PRELID2: variants seen among roughly 807,000 people sequenced by gnomAD.
PRELID2 encodes the protein PRELI domain-containing protein 2.
Under a neutral mutation model 28.4 loss-of-function variants are expected in PRELID2, and 25 were observed. The observed-to-expected ratio is 0.88, with a 90% CI of 0.64 to 1.23. PRELID2 has a LOEUF of 1.23. Among genes scored for constraint, PRELID2 ranks in the 50% most tolerant of loss-of-function variants. The probability of loss-of-function intolerance (pLI) is 0.00; values close to 1 mark genes in which losing one functional copy is unlikely to be tolerated. For missense variants in PRELID2, 201 were observed against 214.4 expected, an observed-to-expected ratio of 0.94 and a Z score of 0.39; for synonymous variants, 76 against 71.6, an observed-to-expected ratio of 1.06 and a Z score of -0.31.
the PRELID2 span, among the ~76,000 whole-genome samples, chr5:145,243,993 C>G: frequency 1.5e-4 from 23 of 152,032 alleles, no homozygotes; most frequent in Admixed American, 2.0e-4. Flanking sequence ...TGCTCTGTTG[C>G]CTAGGCTGGA....
At chr5:145,728,830 T>A in intron 1 of PRELID2, 9 of 980,102 alleles carry the variant, frequency 9.2e-6, no homozygotes, top group Non-Finnish European at 1.3e-5. Flanking sequence ...AACACCATAA[T>A]GAATATGACC....
At chr5:145,371,348 C>G in the PRELID2 span, among the ~76,000 whole-genome samples, 1 of 152,122 alleles carries the variant, frequency 6.6e-6, no homozygotes, top group Non-Finnish European at 1.5e-5. Context: ...TATCAAAGGT[C>G]TTTTCTGCAT....
the PRELID2 span, among the ~76,000 whole-genome samples, chr5:145,262,703 CAA>C: frequency 1.7e-3 from 258 of 151,816 alleles, 1 homozygote; most frequent in East Asian, 0.022. Context: ...AATCTTGAAA[CAA>C]ATCCCAAATT....
At chr5:145,703,581 T>G (rs1017842813) in intron 1 of PRELID2, among the ~76,000 whole-genome samples, 1 of 152,200 alleles carries the variant, frequency 6.6e-6, no homozygotes, top group Admixed American at 6.5e-5. Flanking sequence ...AATGGGACAT[T>G]TGACTAAACC....
At chr5:145,368,070 T>C in the PRELID2 span, among the ~76,000 whole-genome samples, 1 of 151,942 alleles carries the variant, frequency 6.6e-6, no homozygotes, top group Non-Finnish European at 1.5e-5. Flanking sequence ...GTCGATGTTG[T>C]CTGAAATTTT....
At chr5:145,811,507 G>A (rs1753937843) in intron 4 of PRELID2, among the ~76,000 whole-genome samples, 2 of 152,064 alleles carry the variant, frequency 1.3e-5, no homozygotes, top group South Asian at 2.1e-4. Context: ...GGCTGGTCTC[G>A]AACTCCTGGC....
chr5:145,627,162 C>T (rs974281749), intron 1 of PRELID2, among the ~76,000 whole-genome samples: 10 of 118,252 alleles, frequency 8.5e-5, no homozygotes, highest in African/African-American at 3.1e-4. Flanking sequence ...GTATATATAC[C>T]GTGGAATACA....
chr5:145,333,369 C>G, the PRELID2 span, among the ~76,000 whole-genome samples: 4 of 152,218 alleles, frequency 2.6e-5, no homozygotes. Context: ...GGTGTGCCCA[C>G]AGCTTCCCCT....
intron 1 of PRELID2, among the ~76,000 whole-genome samples, chr5:145,502,812 T>C (rs1233023279): frequency 6.6e-6 from 1 of 151,254 alleles, no homozygotes; most frequent in African/African-American, 2.4e-5. Context: ...AGAAAGCAAA[T>C]TAATGATTTC....
the PRELID2 span, among the ~76,000 whole-genome samples, chr5:145,402,462 T>C: frequency 6.6e-6 from 1 of 152,148 alleles, no homozygotes; most frequent in Non-Finnish European, 1.5e-5. Flanking sequence ...CAGGGACACA[T>C]TATAGATTTG....
chr5:145,307,117 A>C, the PRELID2 span, among the ~76,000 whole-genome samples: 1 of 152,200 alleles, frequency 6.6e-6, no homozygotes, highest in Non-Finnish European at 1.5e-5. Context: ...TCTGTTGCTA[A>C]GTCCTTCCAG....
At chr5:145,703,466 C>T (rs570578328) in intron 1 of PRELID2, among the ~76,000 whole-genome samples, 1 of 152,274 alleles carries the variant, frequency 6.6e-6, no homozygotes, top group Admixed American at 6.5e-5. Flanking sequence ...CAAATAGCTG[C>T]CCCAGTTTCA....
chr5:145,713,268 A>G (rs1755743967), intron 1 of PRELID2, among the ~76,000 whole-genome samples: 1 of 150,444 alleles, frequency 6.6e-6, no homozygotes, highest in Non-Finnish European at 1.5e-5. Context: ...AAAGATATAG[A>G]GAAAAATCTT....
At chr5:145,350,901 A>G in the PRELID2 span, among the ~76,000 whole-genome samples, 1 of 152,172 alleles carries the variant, frequency 6.6e-6, no homozygotes, top group Non-Finnish European at 1.5e-5. Context: ...TGGTCTTAGA[A>G]CATGCCCAGT....
the PRELID2 span, among the ~76,000 whole-genome samples, chr5:145,374,611 G>A: frequency 6.6e-6 from 1 of 152,058 alleles, no homozygotes; most frequent in South Asian, 2.1e-4. Flanking sequence ...TCTCCTTCAG[G>A]TACTCCAGTC....
chr5:145,483,986 G>C (rs777460705), intron 1 of PRELID2, among the ~76,000 whole-genome samples: 5 of 152,154 alleles, frequency 3.3e-5, no homozygotes, highest in Non-Finnish European at 7.3e-5. Context: ...AATTACTGAA[G>C]GTTGGCTACT....
chr5:145,727,778 G>T (rs1171824526), intron 1 of PRELID2, among the ~76,000 whole-genome samples: 1 of 152,144 alleles, frequency 6.6e-6, no homozygotes, highest in Non-Finnish European at 1.5e-5. Flanking sequence ...GAGACACAGG[G>T]ATCCAAACTC....
In PRELID2 at chr5:145,510,424, G is replaced by A. The variant is rs114950828; in HGVS notation, n.71-37109C>T. On this transcript the variant is annotated intron_variant and non_coding_transcript_variant, in intron 1 of 2. Transcript: ENST00000510259. ...TTTTTCTCATCCTTCAAGTCATGGA[G>A]GGCTCTTCCTAGCGGCCTGCAGTAA... Among the ~76,000 whole-genome samples the A allele has an allele frequency of 9.3e-3, 1,413 of 152,216 alleles. 7 individuals are homozygous for A. The highest frequency in any genetic ancestry group is 0.013 in the African/African-American group (560 of 41,518).
intron 1 of PRELID2, among the ~76,000 whole-genome samples, chr5:145,689,847 A>G (rs943831668): frequency 6.6e-6 from 1 of 152,188 alleles, no homozygotes; most frequent in Admixed American, 6.5e-5. Context: ...ATTTATCCTC[A>G]GGGCCTTGCA....
Sources: allele counts gnomAD v4.1 joint callset (sites outside exome capture counted in the v4.1 genomes callset), GRCh38; gene constraint gnomAD v4.1.1; transcripts MANE v1.5; gene names NCBI Gene and HGNC (gene_info 2026-07-23, HGNC 2026-07-21).